Variants in ZBTB20 observed in about 807,000 individuals in gnomAD.
ZBTB20 encodes the protein zinc finger and BTB domain containing 20, also known as zinc finger and BTB domain-containing protein 20.
A neutral mutation model predicts 56.9 loss-of-function variants in ZBTB20; 9 were observed. The ratio of observed to expected loss-of-function variants is 0.16; its 90% CI spans 0.10 to 0.28. The LOEUF is 0.28. Ranked by LOEUF, ZBTB20 falls within the 10% of genes least tolerant of loss-of-function variation. The pLI is 1.00. For synonymous variants in ZBTB20, 417 were observed against 420.7 expected (o/e 0.99, Z 0.11); for missense variants, 655 against 1,003.0 (o/e 0.65, Z 4.69).
At chr3:114,640,942 A>G (rs1473143842) in intron 6 of ZBTB20, among the ~76,000 whole-genome samples, 1 of 152,032 alleles carries the variant, frequency 6.6e-6, no homozygotes. Flanking sequence ...GTGGTGGAGA[A>G]AGAAGTACAA....
At chr3:114,977,943 C>T (rs1204763825) in intron 2 of ZBTB20, among the ~76,000 whole-genome samples, 1 of 139,394 alleles carries the variant, frequency 7.2e-6, no homozygotes, top group South Asian at 2.3e-4. Flanking sequence ...CTGGAGAGGT[C>T]AAGGCTACAG....
At chr3:114,832,012 T>G (rs2073871672) in intron 4 of ZBTB20, among the ~76,000 whole-genome samples, 1 of 152,162 alleles carries the variant, frequency 6.6e-6, no homozygotes, top group South Asian at 2.1e-4. Flanking sequence ...TTCAATCAGC[T>G]TATCTGCATT....
intron 7 of ZBTB20, among the ~76,000 whole-genome samples, chr3:114,413,656 G>A (rs1374696685): frequency 6.6e-6 from 1 of 152,084 alleles, no homozygotes; most frequent in African/African-American, 2.4e-5. Flanking sequence ...CTGATATTAA[G>A]CCTGCTGGGG....
At chr3:114,887,592 C>T (rs1047067796) in intron 4 of ZBTB20, among the ~76,000 whole-genome samples, 8 of 152,190 alleles carry the variant, frequency 5.3e-5, no homozygotes, top group African/African-American at 1.9e-4. Context: ...GTGCCAAAAG[C>T]CAAAGAATAA....
chr3:114,569,597 T>C (rs2053194383), intron 6 of ZBTB20, among the ~76,000 whole-genome samples: 2 of 152,192 alleles, frequency 1.3e-5, no homozygotes. Flanking sequence ...AAGATGGCGG[T>C]CATTCCACAC....
intron 6 of ZBTB20, among the ~76,000 whole-genome samples, chr3:114,675,126 G>A (rs9850975): frequency 0.062 from 9,196 of 148,008 alleles, 592 homozygotes; most frequent in Admixed American, 0.15. Flanking sequence ...TATTTTATTT[G>A]CTGTATAGCT....
In ZBTB20 at chr3:114,380,230, G is replaced by T; in HGVS notation, c.186C>A (p.Thr62=). ...THSLTNSHAH[T]GSSDCDISCK... ...TGGTGTACTCACAATCAGATGACCC[G>T]GTGTGAGCGTGAGAGTTTGTCAGTG... Residue 62 remains threonine, a synonymous_variant, in exon 10 of 12, where the codon ACC becomes ACA. Transcript: ENST00000675478. The T allele has an allele frequency of 6.5e-7, 1 of 1,536,452 alleles. No individual in the cohort carries two copies. Among genetic ancestry groups the T allele is most frequent in the South Asian group, 1.2e-5 (1 of 83,922 alleles).
intron 7 of ZBTB20, among the ~76,000 whole-genome samples, chr3:114,395,540 T>C (rs564147908): frequency 7.4e-4 from 113 of 152,276 alleles, no homozygotes; most frequent in Non-Finnish European, 1.3e-3. Flanking sequence ...TTTAACTTTT[T>C]AGCTAATTAC....
At chr3:115,104,514 C>A (rs75705627) in intron 1 of ZBTB20, among the ~76,000 whole-genome samples, 14,201 of 151,956 alleles carry the variant, frequency 0.093, 1,964 homozygotes, top group African/African-American at 0.3. Context: ...AGTGCTAAAA[C>A]GAAATGAGAT....
At position 114,458,728 on chromosome 3, in the gene ZBTB20, GTT is replaced by G. The variant is rs78333698; in HGVS notation, c.-255+41622_-255+41623del. Among the ~76,000 whole-genome samples, 430 of 146,146 alleles carry G rather than the reference GTT, an allele frequency of 2.9e-3. 2 individuals are homozygous for G. Among genetic ancestry groups the G allele is most frequent in the African/African-American group, 0.01 (409 of 40,388 alleles). ...TTATTAGCTCTGACTTACTTGACAGGTTTTTTTTTTTTATCTCCAAACATATC... is the reference window on the plus strand; with the variant it reads ...TTATTAGCTCTGACTTACTTGACAGGTTTTTTTTTTATCTCCAAACATATC... On this transcript the variant is annotated intron_variant, in intron 7 of 11. Transcript: ENST00000675478.
At chr3:114,899,423 A>C (rs2075018193) in intron 4 of ZBTB20, among the ~76,000 whole-genome samples, 3 of 152,136 alleles carry the variant, frequency 2.0e-5, no homozygotes, top group African/African-American at 7.2e-5. Context: ...TGTCTCTACC[A>C]GGACAAAAAT....
At chr3:114,624,351 A>G (rs553432431) in intron 6 of ZBTB20, 1 of 145,632 alleles carries the variant, frequency 6.9e-6, no homozygotes, top group South Asian at 2.3e-4. Flanking sequence ...AACAACAGTA[A>G]GAGAAACAAA....
chr3:114,826,345 C>A (rs1183772188), intron 4 of ZBTB20, among the ~76,000 whole-genome samples: 1 of 151,654 alleles, frequency 6.6e-6, no homozygotes, highest in Non-Finnish European at 1.5e-5. Context: ...AGGCTGTAAT[C>A]TCCCCCCACA....
intron 3 of ZBTB20, among the ~76,000 whole-genome samples, chr3:114,942,756 T>C (rs763328055): frequency 1.2e-4 from 17 of 146,062 alleles, no homozygotes; most frequent in Non-Finnish European, 3.0e-5. Flanking sequence ...TGTTGTTTAT[T>C]ACTTTTCAAA....
intron 1 of ZBTB20, among the ~76,000 whole-genome samples, chr3:115,106,553 C>A (rs900073861): frequency 6.6e-6 from 1 of 151,962 alleles, no homozygotes; most frequent in Non-Finnish European, 1.5e-5. Flanking sequence ...TAATTCTTAA[C>A]CCTAGTCATC....
chr3:114,715,351 C>A (rs1379877706), intron 5 of ZBTB20, among the ~76,000 whole-genome samples: 1 of 152,166 alleles, frequency 6.6e-6, no homozygotes, highest in African/African-American at 2.4e-5. Context: ...CTTTGTCATA[C>A]CTTTTTCCCC....
chr3:114,798,496 A>C (rs2071486716), intron 5 of ZBTB20, among the ~76,000 whole-genome samples: 1 of 151,898 alleles, frequency 6.6e-6, no homozygotes, highest in Non-Finnish European at 1.5e-5. Context: ...TCCTCAGGAA[A>C]CATTGCTTAG....
intron 2 of ZBTB20, among the ~76,000 whole-genome samples, chr3:115,060,130 A>G (rs528624679): frequency 2.6e-4 from 39 of 152,250 alleles, no homozygotes; most frequent in African/African-American, 9.4e-4. Flanking sequence ...TACTCAAACA[A>G]CCTCTTTTAA....
intron 1 of ZBTB20, among the ~76,000 whole-genome samples, chr3:115,098,817 C>T (rs2083473038): frequency 6.6e-6 from 1 of 152,026 alleles, no homozygotes; most frequent in Admixed American, 6.5e-5. Flanking sequence ...TTTGTGTTGT[C>T]AGAGAAGCCT....
Sources: allele counts gnomAD v4.1 joint callset (sites outside exome capture counted in the v4.1 genomes callset), GRCh38; gene constraint gnomAD v4.1.1; transcripts MANE v1.5; gene names NCBI Gene and HGNC (gene_info 2026-07-23, HGNC 2026-07-21).